Variants in DISC1 observed in about 807,000 individuals in gnomAD.
The protein encoded by DISC1 is DISC1 scaffold protein.
DISC1 carries 57 observed loss-of-function variants against 84.5 expected under a neutral mutation model. That is an observed-to-expected ratio of 0.67 (90% CI 0.55 to 0.84). DISC1 has a LOEUF of 0.84. Among genes scored for constraint, DISC1 ranks in the 40% least tolerant of loss-of-function variants. The probability of loss-of-function intolerance (pLI) is 0.00; values close to 1 mark genes in which losing one functional copy is unlikely to be tolerated. For synonymous variants in DISC1, 411 were observed against 415.2 expected (o/e 0.99, Z 0.12); for missense variants, 1,000 against 1,057.8 (o/e 0.95, Z 0.76).
Position 232,031,087 on chromosome 1 carries a change from C to T in DISC1, c.2425+4535C>T, listed in dbSNP as rs960363162. Among the ~76,000 whole-genome samples, 5 of 150,012 alleles carry T rather than the reference C, an allele frequency of 3.3e-5. No homozygotes were observed. The highest frequency in any genetic ancestry group is 9.9e-5 in the African/African-American group (4 of 40,558). ...GCACACTACTACACTCCAGCCTGGG[C>T]AACAAAGTAAGACACTGCCAAAGAA... On this transcript the variant is annotated intron_variant, in intron 12 of 12. Coordinates refer to ENST00000439617, the MANE Select transcript of DISC1 (RefSeq NM_018662.3). The surrounding 1 kb of genome is among the most constrained non-coding windows in gnomAD (Gnocchi z 4.6).
chr1:231,939,394 A>G (rs1304192026), intron 9 of DISC1, among the ~76,000 whole-genome samples: 2 of 152,190 alleles, frequency 1.3e-5, no homozygotes, highest in Non-Finnish European at 2.9e-5. Flanking sequence ...TCTATTTCCT[A>G]AATACCTTTC....
In DISC1 at chr1:231,990,654, G is replaced by A. The variant is rs745966411; in HGVS notation, c.2043-18131G>A. Among the ~76,000 whole-genome samples, 78 of 152,252 alleles carry A rather than the reference G, an allele frequency of 5.1e-4. 1 individual carries two copies. Among genetic ancestry groups the A allele is most frequent in the East Asian group, 1.9e-4 (1 of 5,178 alleles). On this transcript the variant is annotated intron_variant, in intron 10 of 12. Transcript: ENST00000439617. ...GGGCTGCCATTCTTAAAGGAGTCAC[G>A]TGTGGGCTTTCTTTGCCAGAAGTAG...
chr1:231,634,297 C>A (rs2059005892), intron 1 of DISC1, among the ~76,000 whole-genome samples: 1 of 151,858 alleles, frequency 6.6e-6, no homozygotes, highest in African/African-American at 2.4e-5. Flanking sequence ...CTTACTCCAA[C>A]ACTGATAGGA....
chr1:231,655,299 CT>C (rs1045635073), intron 1 of DISC1, among the ~76,000 whole-genome samples: 2 of 152,034 alleles, frequency 1.3e-5, no homozygotes, highest in Non-Finnish European at 2.9e-5. Context: ...CTTTGTGTGC[CT>C]TTGTGTATCC....
chr1:231,949,312 T>C (rs369176705), intron 9 of DISC1, among the ~76,000 whole-genome samples: 4 of 152,318 alleles, frequency 2.6e-5, no homozygotes, highest in East Asian at 3.9e-4. Context: ...ACTATGTTTA[T>C]AAGCAAAAGG....
chr1:231,807,319 C>T (rs2079818349), intron 8 of DISC1, among the ~76,000 whole-genome samples: 1 of 152,238 alleles, frequency 6.6e-6, no homozygotes, highest in Non-Finnish European at 1.5e-5. Flanking sequence ...AAGGCTGGCT[C>T]TCTGATGCCT....
At chr1:231,860,921 G>T (rs2084595798) in intron 9 of DISC1, among the ~76,000 whole-genome samples, 1 of 152,178 alleles carries the variant, frequency 6.6e-6, no homozygotes. Context: ...GGATGAGTTT[G>T]GCAGAATTGC....
At chr1:231,676,884 G>C (rs2063205993) in intron 1 of DISC1, among the ~76,000 whole-genome samples, 1 of 152,186 alleles carries the variant, frequency 6.6e-6, no homozygotes, top group Non-Finnish European at 1.5e-5. Flanking sequence ...ATAGGCCTTT[G>C]GATGTTGCCA....
At chr1:231,663,000 G>C (rs2061688383) in intron 1 of DISC1, among the ~76,000 whole-genome samples, 1 of 150,830 alleles carries the variant, frequency 6.6e-6, no homozygotes. Flanking sequence ...CAAAACAAAA[G>C]AAACAAACAA....
rs1374558669 is a variant in DISC1 at position 232,009,732 on chromosome 1, T to C, written c.2307+683T>C. 5.8e-6 allele frequency: 3 copies of C among 517,198 alleles called. No individual in the cohort carries two copies. Among genetic ancestry groups the C allele is most frequent in the Non-Finnish European group, 7.4e-6 (3 of 402,938 alleles). The allele number at this position is 517,198 out of a possible 1,614,324, so 32.0% of individuals were successfully genotyped here. A position where few individuals can be genotyped will look rare whatever the true frequency, so the allele number is the denominator to read the frequency against. On this transcript the variant is annotated intron_variant, in intron 11 of 12. Transcript: ENST00000439617. The surrounding 1 kb of genome is among the most constrained non-coding windows in gnomAD (Gnocchi z 4.6). ...TTTCCTCCTCCCACCCTAACAAGAG[T>C]CTTTTCCATAAAAAGGCCCTAGGAA...
At chr1:232,027,059 G>A (rs1300762493) in intron 12 of DISC1, among the ~76,000 whole-genome samples, 1 of 152,130 alleles carries the variant, frequency 6.6e-6, no homozygotes, top group East Asian at 1.9e-4. Flanking sequence ...CCGCAATTCA[G>A]TATTTTTAAT....
intron 9 of DISC1, among the ~76,000 whole-genome samples, chr1:231,833,065 A>T (rs2082360342): frequency 6.9e-6 from 1 of 145,618 alleles, no homozygotes; most frequent in Non-Finnish European, 1.5e-5. Context: ...AGGTGGGGGG[A>T]TACAAGAGGA....
Position 231,876,970 on chromosome 1 carries a change from A to G in DISC1, c.1981+58453A>G, listed in dbSNP as rs376948733. ...TTCCACCTGGGTGGAGACAGGCCTGATGGGAGCCACAGAAGAGTACTGATA... is the reference window on the plus strand; with the variant it reads ...TTCCACCTGGGTGGAGACAGGCCTGGTGGGAGCCACAGAAGAGTACTGATA... On this transcript the variant is annotated intron_variant, in intron 9 of 12. Coordinates refer to ENST00000439617, the MANE Select transcript of DISC1 (RefSeq NM_018662.3). 3.3e-5 allele frequency among the ~76,000 whole-genome samples: 5 copies of G among 152,322 alleles called. No individual in the cohort carries two copies. The South Asian group carries it at 8.3e-4, about 25-fold the overall frequency.
At chr1:231,960,676 G>C (rs1572360912) in intron 10 of DISC1, among the ~76,000 whole-genome samples, 1 of 152,162 alleles carries the variant, frequency 6.6e-6, no homozygotes, top group African/African-American at 2.4e-5. Context: ...AAATACATGA[G>C]GGTTTCTCCC....
chr1:231,800,311 G>T, intron 8 of DISC1, 101 bp downstream of exon 8: 1 of 944,674 alleles, frequency 1.1e-6, no homozygotes, highest in South Asian at 1.3e-5. Context: ...CTGTTATTAT[G>T]TCATTCTCAG....
intron 6 of DISC1, among the ~76,000 whole-genome samples, chr1:231,780,026 G>A (rs1573756699): frequency 1.3e-5 from 2 of 152,026 alleles, no homozygotes; most frequent in East Asian, 1.9e-4. Flanking sequence ...TCATAGGTGG[G>A]AAGTGAACAA....
chr1:231,689,041 A>G (rs1415374415), intron 1 of DISC1, among the ~76,000 whole-genome samples: 1 of 152,140 alleles, frequency 6.6e-6, no homozygotes, highest in Non-Finnish European at 1.5e-5. Context: ...ATCCAGAGGG[A>G]TATATTGTTT....
intron 3 of DISC1, among the ~76,000 whole-genome samples, chr1:231,704,759 CAAAAAAAAA>C (rs146300199): frequency 8.2e-5 from 2 of 24,356 alleles, no homozygotes; most frequent in African/African-American, 1.3e-4. Context: ...GACTCCGTCT[CAAAAAAAAA>C]AAAAAAAAAA....
rs180825147 is a variant in DISC1 at position 232,002,915 on chromosome 1, C to T, written c.2043-5870C>T. ...AACACACACACAAGGGGAACTCTGA[C>T]GAAGATCAGTGGATTTTATCAATGT... On this transcript the variant is annotated intron_variant, in intron 10 of 12. Coordinates refer to ENST00000439617, the MANE Select transcript of DISC1 (RefSeq NM_018662.3). 2.7e-4 allele frequency among the ~76,000 whole-genome samples: 41 copies of T among 152,100 alleles called. 1 individual carries two copies. Among genetic ancestry groups the T allele is most frequent in the African/African-American group, 6.3e-4 (26 of 41,502 alleles).
Sources: gnomAD v4.1 joint callset for allele counts (sites outside exome capture counted in the v4.1 genomes callset) on GRCh38, gnomAD v4.1.1 for gene constraint, Gnocchi (gnomAD v3.1) non-coding constraint, MANE v1.5 for transcripts, NCBI Gene and HGNC (gene_info 2026-07-23, HGNC 2026-07-21) for gene names.